PDZRN3: variants seen among roughly 807,000 people sequenced by gnomAD.
The protein encoded by PDZRN3 is PDZ domain containing ring finger 3, also known as E3 ubiquitin-protein ligase PDZRN3.
Under a neutral mutation model 85.7 loss-of-function variants are expected in PDZRN3, and 38 were observed. That is an observed-to-expected ratio of 0.44 (90% CI 0.34 to 0.58). The LOEUF (loss-of-function observed/expected upper bound fraction) is 0.58, where lower values mean the gene tolerates loss of function less well. Ranked by LOEUF, PDZRN3 falls within the 20% of genes least tolerant of loss-of-function variation. The pLI, the probability that PDZRN3 is intolerant of heterozygous loss-of-function variation, is 0.01. For missense variants in PDZRN3, 1,629 were observed against 1,506.4 expected (o/e 1.08, Z -1.35); for synonymous variants, 759 against 638.0 (o/e 1.19, Z -2.86).
chr3:73,550,883 G>C (rs571188607), intron 3 of PDZRN3, among the ~76,000 whole-genome samples: 184 of 152,248 alleles, frequency 1.2e-3, no homozygotes, highest in Admixed American at 2.8e-3. Flanking sequence ...GCAATACTCT[G>C]AAGTGTCTCT....
chr3:73,549,373 G>A (rs1701499980), intron 3 of PDZRN3, among the ~76,000 whole-genome samples: 1 of 152,138 alleles, frequency 6.6e-6, no homozygotes, highest in Admixed American at 6.5e-5. Context: ...AAGTTGCATG[G>A]CAGGAAGAGT....
At chr3:73,590,723 CA>C (rs1341455937) in intron 3 of PDZRN3, among the ~76,000 whole-genome samples, 2 of 152,122 alleles carry the variant, frequency 1.3e-5, no homozygotes, top group African/African-American at 2.4e-5. Flanking sequence ...CCTGTATCAC[CA>C]GCAATTCTAT....
intron 3 of PDZRN3, among the ~76,000 whole-genome samples, chr3:73,425,307 C>A (rs10049192): frequency 0.069 from 10,424 of 152,044 alleles, 1,126 homozygotes; most frequent in African/African-American, 0.23. Context: ...CGTGAGCCAC[C>A]GCGCCCAGCC....
At chr3:73,420,974 A>G (rs1702189240) in intron 3 of PDZRN3, among the ~76,000 whole-genome samples, 2 of 152,174 alleles carry the variant, frequency 1.3e-5, no homozygotes, top group South Asian at 4.1e-4. Flanking sequence ...TATACTTTAC[A>G]TCACCTCTAG....
At chr3:73,507,362 G>A (rs2106698946) in intron 3 of PDZRN3, among the ~76,000 whole-genome samples, 1 of 152,228 alleles carries the variant, frequency 6.6e-6, no homozygotes, top group Middle Eastern at 3.4e-3. Context: ...GTAGAGATGG[G>A]GTTTCACCAT....
chr3:73,562,559 T>A (rs56347553), intron 3 of PDZRN3, among the ~76,000 whole-genome samples: 24 of 152,098 alleles, frequency 1.6e-4, no homozygotes, highest in Non-Finnish European at 2.8e-4. Context: ...AAAACCATCC[T>A]CCCAATCACA....
intron 3 of PDZRN3, among the ~76,000 whole-genome samples, chr3:73,463,568 A>G (rs1374229367): frequency 6.6e-6 from 1 of 152,240 alleles, no homozygotes; most frequent in African/African-American, 2.4e-5. Flanking sequence ...GAACACTTTT[A>G]CACTGTGTGG....
intron 3 of PDZRN3, among the ~76,000 whole-genome samples, chr3:73,594,207 G>A (rs1416428502): frequency 1.3e-5 from 2 of 152,034 alleles, no homozygotes; most frequent in Non-Finnish European, 2.9e-5. Context: ...ATTGTTTAAG[G>A]CAACCATGGA....
chr3:73,480,455 G>A (rs867523670), intron 3 of PDZRN3, among the ~76,000 whole-genome samples: 6 of 152,138 alleles, frequency 3.9e-5, no homozygotes, highest in African/African-American at 1.4e-4. Context: ...GCTTGGGAAG[G>A]CTTCCAAATT....
chr3:73,406,192 T>C (rs1447100021), intron 3 of PDZRN3, among the ~76,000 whole-genome samples: 6 of 152,206 alleles, frequency 3.9e-5, no homozygotes, highest in Non-Finnish European at 8.8e-5. Flanking sequence ...CTGGAGGACT[T>C]GGAAAGCAGG....
At chr3:73,515,916 C>T (rs1037293883) in intron 3 of PDZRN3, among the ~76,000 whole-genome samples, 1 of 152,218 alleles carries the variant, frequency 6.6e-6, no homozygotes, top group Non-Finnish European at 1.5e-5. Flanking sequence ...CAAAGTTTAA[C>T]TACTGCTCAT....
At chr3:73,514,880 A>T (rs915680059) in intron 3 of PDZRN3, among the ~76,000 whole-genome samples, 1 of 152,212 alleles carries the variant, frequency 6.6e-6, no homozygotes, top group Non-Finnish European at 1.5e-5. Flanking sequence ...GCACTTAACA[A>T]TTCTGTACCG....
At chr3:73,583,916 A>T (rs1287451162) in intron 3 of PDZRN3, among the ~76,000 whole-genome samples, 1 of 152,206 alleles carries the variant, frequency 6.6e-6, no homozygotes, top group African/African-American at 2.4e-5. Context: ...GTCTACCACC[A>T]CTTTCAGTAT....
At chr3:73,564,323 G>A (rs1348611550) in intron 3 of PDZRN3, among the ~76,000 whole-genome samples, 1 of 152,118 alleles carries the variant, frequency 6.6e-6, no homozygotes, top group Non-Finnish European at 1.5e-5. Context: ...TTGTGTCCTA[G>A]TCTCACCTTT....
At chr3:73,442,208 C>T (rs1407600374) in intron 3 of PDZRN3, among the ~76,000 whole-genome samples, 1 of 152,100 alleles carries the variant, frequency 6.6e-6, no homozygotes, top group Non-Finnish European at 1.5e-5. Context: ...AGATTTGAGG[C>T]CTGGAGTCCA....
intron 3 of PDZRN3, among the ~76,000 whole-genome samples, chr3:73,522,811 T>A (rs1704402502): frequency 6.6e-6 from 1 of 152,192 alleles, no homozygotes; most frequent in Admixed American, 6.5e-5. Context: ...TCAATAGTTG[T>A]ACCTAATATG....
intron 3 of PDZRN3, among the ~76,000 whole-genome samples, chr3:73,573,772 CACATAT>C (rs71126879): frequency 6.5e-4 from 98 of 150,978 alleles, no homozygotes; most frequent in East Asian, 2.0e-3. Flanking sequence ...AATACATACA[CACATAT>C]ACATATACAT....
chr3:73,518,695 T>A (rs1307131602), intron 3 of PDZRN3, among the ~76,000 whole-genome samples: 1 of 152,138 alleles, frequency 6.6e-6, no homozygotes, highest in African/African-American at 2.4e-5. Context: ...GAAGATTTAG[T>A]GTCTAGTGAG....
intron 3 of PDZRN3, among the ~76,000 whole-genome samples, chr3:73,575,903 G>A (rs1340990306): frequency 6.6e-6 from 1 of 152,034 alleles, no homozygotes; most frequent in Non-Finnish European, 1.5e-5. Flanking sequence ...ATGTATATTT[G>A]ACTGCCAAAA....
Sources: allele counts gnomAD v4.1 joint callset (sites outside exome capture counted in the v4.1 genomes callset), GRCh38; gene constraint gnomAD v4.1.1; transcripts MANE v1.5; gene names NCBI Gene and HGNC (gene_info 2026-07-23, HGNC 2026-07-21).